BCAS3: variants seen among roughly 807,000 people sequenced by gnomAD.
BCAS3 encodes BCAS3 microtubule associated cell migration factor.
Under a neutral mutation model 116.1 loss-of-function variants are expected in BCAS3, and 53 were observed. The ratio of observed to expected loss-of-function variants is 0.46; its 90% confidence interval spans 0.37 to 0.57. The LOEUF (loss-of-function observed/expected upper bound fraction) is 0.57, where lower values mean the gene tolerates loss of function less well. Among genes scored for constraint, BCAS3 ranks in the 20% least tolerant of loss-of-function variants. The probability of loss-of-function intolerance (pLI) is 0.00; values close to 1 mark genes in which losing one functional copy is unlikely to be tolerated. For missense variants in BCAS3, 917 were observed against 1,165.4 expected (o/e 0.79, Z 3.10); for synonymous variants, 391 against 408.2 (o/e 0.96, Z 0.51).
At chr17:60,697,264 G>A (rs189671607) in intron 4 of BCAS3, among the ~76,000 whole-genome samples, 45 of 145,828 alleles carry the variant, frequency 3.1e-4, no homozygotes, top group Admixed American at 2.3e-3. Flanking sequence ...GGTTTGGGAA[G>A]AAAGATTCAG....
intron 22 of BCAS3, among the ~76,000 whole-genome samples, chr17:61,101,294 T>A (rs1386041945): frequency 6.6e-6 from 1 of 152,126 alleles, no homozygotes; most frequent in Non-Finnish European, 1.5e-5. Flanking sequence ...AAAGCCACTC[T>A]CAATCAGGTA....
At chr17:61,336,945 T>C (rs562552871) in intron 22 of BCAS3, among the ~76,000 whole-genome samples, 27 of 152,160 alleles carry the variant, frequency 1.8e-4, no homozygotes, top group Middle Eastern at 3.4e-3. Flanking sequence ...AAACCCTGTC[T>C]CTACTAAAAA....
intron 22 of BCAS3, among the ~76,000 whole-genome samples, chr17:61,271,582 C>T (rs1733328825): frequency 7.2e-6 from 1 of 138,590 alleles, no homozygotes; most frequent in Non-Finnish European, 1.5e-5. Flanking sequence ...CGCCATCACG[C>T]CCAGCTCTGT....
At position 61,012,798 on chromosome 17, in the gene BCAS3, T is replaced by C. The variant is rs1289693354; in HGVS notation, c.1487-2953T>C. 6.6e-6 allele frequency among the ~76,000 whole-genome samples: 1 copy of C among 152,068 alleles called. No individual in the cohort carries two copies. The highest frequency in any genetic ancestry group is 2.4e-5 in the African/African-American group (1 of 41,436). On this transcript the variant is annotated intron_variant, in intron 15 of 23. Transcript: ENST00000407086. The surrounding 1 kb of genome is among the most constrained non-coding windows in gnomAD (Gnocchi z 4.5). ...TGAAGCATTTTAAGTTGTGCCTAGC[T>C]AAACCACAGATTTGGAACTTCTCAG...
rs941053923 is a variant in BCAS3, at chr17:60,900,944, C to T, written c.739-1676C>T. On this transcript the variant is annotated intron_variant, in intron 10 of 23. Coordinates refer to ENST00000407086, the MANE Select transcript of BCAS3 (RefSeq NM_017679.5). ...AAGAATAGGGCTGGGCGTGGTGGCT[C>T]ACTCCTGTAATCCTGGCACTTTGGG... 5.4e-4 allele frequency among the ~76,000 whole-genome samples: 82 copies of T among 151,870 alleles called. 1 individual carries two copies. Among genetic ancestry groups the T allele is most frequent in the Admixed American group, 5.3e-3 (81 of 15,250 alleles).
chr17:60,979,899 A>C (rs1468374468), intron 14 of BCAS3, among the ~76,000 whole-genome samples: 1 of 152,000 alleles, frequency 6.6e-6, no homozygotes, highest in Non-Finnish European at 1.5e-5. Context: ...TCGGTTTGCC[A>C]GTATTTTATT....
chr17:60,733,976 A>G (rs1366802569), intron 5 of BCAS3, among the ~76,000 whole-genome samples: 1 of 152,164 alleles, frequency 6.6e-6, no homozygotes, highest in Non-Finnish European at 1.5e-5. Context: ...TGCTCTTGAC[A>G]ATGTCTTTTG....
intron 22 of BCAS3, among the ~76,000 whole-genome samples, chr17:61,178,312 G>A (rs1354247700): frequency 6.6e-6 from 1 of 152,156 alleles, no homozygotes. Context: ...ATAAAGATCT[G>A]ATGTACAAGC....
At chr17:61,174,499 C>CT (rs1423549117) in intron 22 of BCAS3, among the ~76,000 whole-genome samples, 3 of 152,280 alleles carry the variant, frequency 2.0e-5, no homozygotes, top group South Asian at 2.1e-4. Context: ...GGATTTCCTT[C>CT]TTTTTTAAGG....
At chr17:60,950,086 A>G (rs2060750722) in intron 14 of BCAS3, among the ~76,000 whole-genome samples, 1 of 152,114 alleles carries the variant, frequency 6.6e-6, no homozygotes, top group Non-Finnish European at 1.5e-5. Flanking sequence ...CATTTTTCAG[A>G]CAAGTTGTGA....
At chr17:60,734,456 CT>C (rs1484809578) in intron 5 of BCAS3, among the ~76,000 whole-genome samples, 1 of 152,130 alleles carries the variant, frequency 6.6e-6, no homozygotes, top group African/African-American at 2.4e-5. Flanking sequence ...GAGTTTTAGA[CT>C]TTCGTGTTTC....
chr17:60,921,244 C>T (rs1457550882), intron 12 of BCAS3, among the ~76,000 whole-genome samples: 1 of 152,198 alleles, frequency 6.6e-6, no homozygotes, highest in Non-Finnish European at 1.5e-5. Context: ...AGAATGAAAT[C>T]ATGTCATTTA....
At chr17:60,828,043 A>G (rs966991189) in intron 7 of BCAS3, among the ~76,000 whole-genome samples, 1 of 152,156 alleles carries the variant, frequency 6.6e-6, no homozygotes, top group Non-Finnish European at 1.5e-5. Flanking sequence ...TCAGCCACCA[A>G]GAAGGATGCA....
rs188187892 is a variant in BCAS3 at position 61,056,106 on chromosome 17, A to C, written c.2029+15214A>C. Among the ~76,000 whole-genome samples the C allele has an allele frequency of 7.9e-5, 12 of 152,320 alleles. 1 individual carries two copies. The highest frequency in any genetic ancestry group is 7.2e-4 in the Admixed American group (11 of 15,300). On this transcript the variant is annotated intron_variant, in intron 19 of 23. Transcript: ENST00000407086. The surrounding 1 kb of genome is among the most constrained non-coding windows in gnomAD (Gnocchi z 4.9). ...ATTCCAGATTTCTTTCGTGGTATAAATGTGGACCACCTGCCAGAAAGCTTT... is the reference window on the plus strand; with the variant it reads ...ATTCCAGATTTCTTTCGTGGTATAACTGTGGACCACCTGCCAGAAAGCTTT...
intron 7 of BCAS3, among the ~76,000 whole-genome samples, chr17:60,830,735 A>C (rs1333834371): frequency 6.6e-6 from 1 of 152,066 alleles, no homozygotes; most frequent in East Asian, 1.9e-4. Context: ...CAAACTTTGA[A>C]GTTTTGTTTT....
chr17:61,336,611 C>T (rs1325527719), intron 22 of BCAS3, among the ~76,000 whole-genome samples: 1 of 152,216 alleles, frequency 6.6e-6, no homozygotes, highest in Non-Finnish European at 1.5e-5. Flanking sequence ...GCCTGGCTTC[C>T]CCGCAGTCAC....
intron 1 of BCAS3, among the ~76,000 whole-genome samples, 174 bp downstream of exon 1, chr17:60,678,088 CGTGTTGGAG>C (rs1253656324): frequency 2.0e-5 from 3 of 152,066 alleles, no homozygotes. Flanking sequence ...GCGGTGGCTC[CGTGTTGGAG>C]GTTAAGTGGG....
At chr17:61,038,682 T>G (rs868810182) in intron 18 of BCAS3, among the ~76,000 whole-genome samples, 73 of 146,648 alleles carry the variant, frequency 5.0e-4, no homozygotes, top group African/African-American at 1.7e-3. Context: ...TTTTTTTTTT[T>G]TTTTTGGAGA....
chr17:61,301,371 C>T (rs1438289211), intron 22 of BCAS3, among the ~76,000 whole-genome samples: 7 of 152,312 alleles, frequency 4.6e-5, no homozygotes, highest in East Asian at 3.9e-4. Context: ...CGGTGACTCA[C>T]GCCTGTAATC....
Sources: allele counts gnomAD v4.1 joint callset (sites outside exome capture counted in the v4.1 genomes callset), GRCh38; gene constraint gnomAD v4.1.1; non-coding constraint Gnocchi (gnomAD v3.1); transcripts MANE v1.5; gene names NCBI Gene and HGNC (gene_info 2026-07-23, HGNC 2026-07-21).